The following MBNL1 variants were observed in gnomAD, a reference collection of about 807,000 sequenced individuals.
MBNL1 encodes muscleblind like splicing regulator 1, also known as muscleblind-like protein 1.
A neutral mutation model predicts 42.2 loss-of-function variants in MBNL1; 8 were observed. The observed-to-expected ratio is 0.19, with a 90% confidence interval of 0.11 to 0.34. The LOEUF is 0.34. Among genes scored for constraint, MBNL1 ranks in the 10% least tolerant of loss-of-function variants. The pLI is 1.00. For missense variants in MBNL1, 309 were observed against 495.3 expected, an observed-to-expected ratio of 0.62 and a Z score of 3.57; for synonymous variants, 169 against 173.9, an observed-to-expected ratio of 0.97 and a Z score of 0.22.
At chr3:152,276,201 A>G (rs769464854) in intron 1 of MBNL1, among the ~76,000 whole-genome samples, 14 of 152,094 alleles carry the variant, frequency 9.2e-5, no homozygotes, top group Non-Finnish European at 2.1e-4. Flanking sequence ...GCCTCCACTG[A>G]TTATATATAA....
At chr3:152,418,906 C>T (rs920426872) in intron 3 of MBNL1, among the ~76,000 whole-genome samples, 3 of 151,764 alleles carry the variant, frequency 2.0e-5, no homozygotes, top group Non-Finnish European at 2.9e-5. Context: ...TTTGTAGAGG[C>T]GGGGTTTCAC....
rs374223731 is a variant in MBNL1, at chr3:152,367,471, T to G, written c.175-47470T>G. Among the ~76,000 whole-genome samples, 3 of 152,324 alleles carry G rather than the reference T, an allele frequency of 2.0e-5. No individual in the cohort carries two copies. The East Asian group carries it at 5.8e-4, about 29-fold the overall frequency. ...GGTTCCAAGTCTTTACTATAGGGAA[T>G]AGTGCTGCAATAAATATACGTGTTC... On this transcript the variant is annotated intron_variant, in intron 2 of 9. Transcript: ENST00000324210.
chr3:152,253,391 T>C lies in MBNL1; in HGVS notation n.333+8951T>C, dbSNP rs112090368. On this transcript the variant is annotated intron_variant and non_coding_transcript_variant, in intron 2 of 2. Coordinates refer to the MBNL1 transcript ENST00000477171. ...TGACCAGAATCACCTGTTTCACATC[T>C]TGAGCAAAGTGTAAGACACTGTCAT... 9.7e-3 allele frequency among the ~76,000 whole-genome samples: 1,474 copies of C among 152,248 alleles called. 10 individuals are homozygous for C. Among genetic ancestry groups the C allele is most frequent in the Non-Finnish European group, 0.015 (1,048 of 68,014 alleles).
rs546551000 is a variant in MBNL1, at chr3:152,364,237, T to TA, written c.175-50703dup. On this transcript the variant is annotated intron_variant, in intron 2 of 9. Transcript: ENST00000324210. Reference sequence around the variant, plus strand: ...AATAGCATCTTTATTTAGCGGTGCCTACATCTTTTATGTTTAAAATTCCTT... The same window carrying TA: ...AATAGCATCTTTATTTAGCGGTGCCTAACATCTTTTATGTTTAAAATTCCTT... Among the ~76,000 whole-genome samples, 34 of 152,254 alleles carry TA rather than the reference T, an allele frequency of 2.2e-4. No homozygotes were observed. The South Asian group carries it at 6.6e-3, about 30-fold the overall frequency.
intron 1 of MBNL1, among the ~76,000 whole-genome samples, chr3:152,278,991 G>GT (rs1288541589): frequency 6.6e-6 from 1 of 152,122 alleles, no homozygotes; most frequent in Non-Finnish European, 1.5e-5. Flanking sequence ...AAAGAAGGAA[G>GT]TTTTTGTGGA....
chr3:152,299,022 T>G (rs2059739336), intron 1 of MBNL1: 1 of 152,620 alleles, frequency 6.6e-6, no homozygotes, highest in Admixed American at 6.5e-5. Context: ...ATGCTCGTCC[T>G]CTTGCAGTGG....
At position 152,464,502 on chromosome 3, in the gene MBNL1, T is replaced by C. The variant is rs896892195; in HGVS notation, c.*2136T>C. 9.2e-5 allele frequency: 14 copies of C among 152,598 alleles called. No individual in the cohort carries two copies. The highest frequency in any genetic ancestry group is 3.4e-4 in the African/African-American group (14 of 41,460). The allele number at this position is 152,598 out of a possible 1,614,324, so 9.5% of individuals were successfully genotyped here. A position where few individuals can be genotyped will look rare whatever the true frequency, so the allele number is the denominator to read the frequency against. On this transcript the variant is annotated 3_prime_UTR_variant, in exon 10 of 10. Transcript: ENST00000324210. ...AATCCTGGCAGACAATTGAGTAATA[T>C]TTTGATGATTTATTTTGTTTGTAAT...
intron 1 of MBNL1, among the ~76,000 whole-genome samples, chr3:152,293,948 T>C (rs2057355630): frequency 6.6e-6 from 1 of 150,958 alleles, no homozygotes; most frequent in East Asian, 1.9e-4. Context: ...TAGGCATTCA[T>C]ATGAAGCCAT....
chr3:152,347,808 C>T (rs1376358718), intron 2 of MBNL1, among the ~76,000 whole-genome samples: 1 of 152,064 alleles, frequency 6.6e-6, no homozygotes, highest in East Asian at 1.9e-4. Context: ...TAAACTGATA[C>T]TCATCTCTGT....
chr3:152,356,116 A>G (rs1308618194), intron 2 of MBNL1, among the ~76,000 whole-genome samples: 1 of 152,194 alleles, frequency 6.6e-6, no homozygotes, highest in Non-Finnish European at 1.5e-5. Flanking sequence ...TTATGAAATC[A>G]TTCTCTGAGT....
rs7634118 is a variant in MBNL1 at position 152,353,896 on chromosome 3, A to G, written c.174+53529A>G. On this transcript the variant is annotated intron_variant, in intron 2 of 9. Transcript: ENST00000324210. The stretch of plus-strand genomic sequence containing the variant: ...AAGATGAGAGAAAATCAGTATGAGC[A>G]TAAATTTTATCTTCTTTTTGGTGAG... Among the ~76,000 whole-genome samples the G allele has an allele frequency of 9.0e-3, 1,375 of 152,268 alleles. 21 individuals are homozygous for G. The highest frequency in any genetic ancestry group is 0.032 in the African/African-American group (1,315 of 41,548).
intron 2 of MBNL1, among the ~76,000 whole-genome samples, chr3:152,413,048 A>G (rs759494735): frequency 6.6e-6 from 1 of 152,106 alleles, no homozygotes; most frequent in Non-Finnish European, 1.5e-5. Flanking sequence ...ATTAGACCAT[A>G]TGCTATCCAG....
intron 2 of MBNL1, chr3:152,340,399 A>G: frequency 9.1e-7 from 1 of 1,097,578 alleles, no homozygotes; most frequent in Non-Finnish European, 1.3e-6. Flanking sequence ...GTAAGATTGT[A>G]ATGACAATGA....
chr3:152,385,905 A>G (rs922736393), intron 2 of MBNL1, among the ~76,000 whole-genome samples: 1 of 152,034 alleles, frequency 6.6e-6, no homozygotes, highest in Non-Finnish European at 1.5e-5. Flanking sequence ...GTGGCTGGTT[A>G]TGGTCATCTG....
intron 1 of MBNL1, among the ~76,000 whole-genome samples, chr3:152,277,252 G>A (rs1394805170): frequency 6.6e-6 from 1 of 152,066 alleles, no homozygotes; most frequent in Non-Finnish European, 1.5e-5. Context: ...TCCCAAATTG[G>A]TAATTTTAAA....
At chr3:152,336,226 ATGTT>A (rs1156664117) in intron 2 of MBNL1, among the ~76,000 whole-genome samples, 2 of 152,174 alleles carry the variant, frequency 1.3e-5, no homozygotes, top group Admixed American at 6.5e-5. Context: ...CTGATTGACA[ATGTT>A]TATTTACTTC....
At chr3:152,375,499 C>T (rs530716285) in intron 2 of MBNL1, among the ~76,000 whole-genome samples, 387 of 152,098 alleles carry the variant, frequency 2.5e-3, no homozygotes, top group Non-Finnish European at 4.2e-3. Context: ...CCTGTAATCC[C>T]AGCACTTTGG....
At chr3:152,316,854 CTTCT>C (rs2071971542) in intron 2 of MBNL1, among the ~76,000 whole-genome samples, 1 of 151,980 alleles carries the variant, frequency 6.6e-6, no homozygotes, top group African/African-American at 2.4e-5. Context: ...CCTCCTCTTC[CTTCT>C]TTTTCTTCTT....
intron 3 of MBNL1, among the ~76,000 whole-genome samples, chr3:152,421,691 A>ACACACATAGTCTCAAAATAAAGG (rs2098807528): frequency 6.6e-6 from 1 of 152,222 alleles, no homozygotes; most frequent in African/African-American, 2.4e-5. Context: ...GGGCAGCCAG[A>ACACACATAGTCTCAAAATAAAGG]GAGAAAGGTC....
Sources: gnomAD v4.1 joint callset for allele counts (sites outside exome capture counted in the v4.1 genomes callset) on GRCh38, gnomAD v4.1.1 for gene constraint, MANE v1.5 for transcripts, NCBI Gene and HGNC (gene_info 2026-07-23, HGNC 2026-07-21) for gene names.